SND1: variants seen among roughly 807,000 people sequenced by gnomAD.
SND1 encodes staphylococcal nuclease and tudor domain containing 1.
A neutral mutation model predicts 121.7 loss-of-function variants in SND1; 38 were observed. The ratio of observed to expected loss-of-function variants is 0.31; its 90% CI spans 0.24 to 0.41. The LOEUF is 0.41. Among genes scored for constraint, SND1 ranks in the 10% least tolerant of loss-of-function variants. The pLI is 1.00. For synonymous variants in SND1, 401 were observed against 447.4 expected (o/e 0.90, Z 1.31); for missense variants, 868 against 1,184.6 (o/e 0.73, Z 3.92).
chr7:127,769,232 A>G (rs537908372), intron 10 of SND1, among the ~76,000 whole-genome samples: 29 of 151,864 alleles, frequency 1.9e-4, no homozygotes, highest in African/African-American at 6.8e-4. Context: ...CGAAGCCCAA[A>G]AGTATTAGGT....
At chr7:127,906,459 G>A (rs1800342676) in intron 14 of SND1, among the ~76,000 whole-genome samples, 1 of 152,014 alleles carries the variant, frequency 6.6e-6, no homozygotes, top group African/African-American at 2.4e-5. Context: ...TTTGTCTTTT[G>A]GTAAAGCTGT....
intron 15 of SND1, among the ~76,000 whole-genome samples, chr7:127,978,399 G>A (rs976421495): frequency 4.6e-5 from 7 of 152,210 alleles, no homozygotes; most frequent in African/African-American, 1.7e-4. Context: ...AGATTGGTCA[G>A]GAAGTGGAGA....
chr7:127,706,852 C>G (rs1796210488), intron 8 of SND1, among the ~76,000 whole-genome samples: 2 of 152,290 alleles, frequency 1.3e-5, no homozygotes, highest in Admixed American at 1.3e-4. Context: ...TTTAGTGCTT[C>G]TCTAAAACAA....
chr7:128,074,556 C>G lies in SND1; in HGVS notation c.1834C>G (p.His612Asp). Residue 612 changes from histidine (H) to aspartate (D), a missense_variant, in exon 17 of 24, where the codon CAC (histidine) becomes GAC (aspartate). Around this residue, in one of 2 missense-constraint regions of SND1, gnomAD observed 743 missense variants for 1,071.3 expected, o/e 0.69. Transcript: ENST00000354725. ...DKAGNFIGWL[H>D]IDGANLSVLL... ...GGCCGGCAACTTTATCGGCTGGCTG[C>G]ACATCGACGGTGCCAACCTGTCCGT... is the stretch of plus-strand genomic sequence containing the variant. 6.2e-7 allele frequency: 1 copy of G among 1,613,506 alleles called. No individual in the cohort carries two copies. Among genetic ancestry groups the G allele is most frequent in the Non-Finnish European group, 8.5e-7 (1 of 1,179,874 alleles).
At chr7:128,024,624 C>A (rs1803432991) in intron 16 of SND1, among the ~76,000 whole-genome samples, 1 of 152,190 alleles carries the variant, frequency 6.6e-6, no homozygotes, top group Non-Finnish European at 1.5e-5. Context: ...TGTTCCACGG[C>A]ACTCAGCAAG....
At chr7:128,090,268 C>T (rs920825842) in intron 22 of SND1, among the ~76,000 whole-genome samples, 1 of 152,234 alleles carries the variant, frequency 6.6e-6, no homozygotes, top group African/African-American at 2.4e-5. Flanking sequence ...TGCCACTTCT[C>T]AGGGCTGATC....
intron 15 of SND1, among the ~76,000 whole-genome samples, chr7:127,981,491 C>T (rs1802260615): frequency 1.3e-5 from 2 of 152,104 alleles, no homozygotes; most frequent in Admixed American, 1.3e-4. Flanking sequence ...CTTGGGATGC[C>T]ACAGAAAGGG....
intron 10 of SND1, among the ~76,000 whole-genome samples, chr7:127,740,158 C>T (rs1796854124): frequency 6.6e-6 from 1 of 152,156 alleles, no homozygotes; most frequent in Non-Finnish European, 1.5e-5. Flanking sequence ...TTTTCTGTAA[C>T]CTCTCCTGCT....
At chr7:128,081,724 C>T (rs1793605728) in intron 18 of SND1, 4 of 629,888 alleles carry the variant, frequency 6.4e-6, no homozygotes, top group Admixed American at 4.5e-5. Context: ...GGCTTGGGCT[C>T]AGGCATGGAG....
At chr7:127,813,440 TTTGTTG>T (rs10560974) in intron 11 of SND1, among the ~76,000 whole-genome samples, 6 of 151,784 alleles carry the variant, frequency 4.0e-5, no homozygotes, top group South Asian at 2.1e-4. Flanking sequence ...TTTTTGGTTG[TTTGTTG>T]TTGTTGTTGT....
chr7:127,663,600 T>C (rs1448359173), intron 1 of SND1, among the ~76,000 whole-genome samples: 1 of 152,110 alleles, frequency 6.6e-6, no homozygotes, highest in Non-Finnish European at 1.5e-5. Flanking sequence ...ATGGTCTCCA[T>C]CTCCTTACCT....
At chr7:128,021,782 G>A (rs1385055568) in intron 16 of SND1, among the ~76,000 whole-genome samples, 1 of 152,188 alleles carries the variant, frequency 6.6e-6, no homozygotes, top group Non-Finnish European at 1.5e-5. Flanking sequence ...TCTTCAAAAT[G>A]GAGGGCCTCA....
At chr7:128,011,520 G>GT (rs1377079304) in intron 16 of SND1, among the ~76,000 whole-genome samples, 1 of 152,180 alleles carries the variant, frequency 6.6e-6, no homozygotes, top group African/African-American at 2.4e-5. Flanking sequence ...TGTGATCAGG[G>GT]GCTAAAGGAC....
At chr7:128,006,298 A>G (rs1310277290) in intron 16 of SND1, among the ~76,000 whole-genome samples, 1 of 151,966 alleles carries the variant, frequency 6.6e-6, no homozygotes, top group African/African-American at 2.4e-5. Context: ...TCACTTGGAA[A>G]AGGTAATGGT....
intron 16 of SND1, chr7:128,030,928 G>A (rs907705676): frequency 3.1e-6 from 1 of 324,102 alleles, no homozygotes; most frequent in Non-Finnish European, 5.7e-6. Context: ...AAGGAAGGCA[G>A]GAAAGCACTG....
chr7:127,922,192 T>TTTGTTTTTTG (rs1800727613), intron 14 of SND1, among the ~76,000 whole-genome samples: 1 of 109,154 alleles, frequency 9.2e-6, no homozygotes, highest in African/African-American at 3.3e-5. Context: ...TTTTTTTTTT[T>TTTGTTTTTTG]TTTTTTTTTT....
chr7:127,881,446 C>G (rs1799788448), intron 12 of SND1, among the ~76,000 whole-genome samples: 1 of 152,054 alleles, frequency 6.6e-6, no homozygotes, highest in Non-Finnish European at 1.5e-5. Context: ...ATTCATTTAA[C>G]CCAGGTTCTT....
At chr7:127,978,558 T>A (rs569885833) in intron 15 of SND1, among the ~76,000 whole-genome samples, 10 of 152,190 alleles carry the variant, frequency 6.6e-5, no homozygotes, top group Admixed American at 3.3e-4. Flanking sequence ...AAGTGGACAT[T>A]CATAGAACAG....
chr7:127,880,057 G>A (rs190311870), intron 12 of SND1, among the ~76,000 whole-genome samples: 5 of 152,204 alleles, frequency 3.3e-5, no homozygotes, highest in East Asian at 3.9e-4. Context: ...AATAAACAAC[G>A]CATAAATTTT....
Sources: gnomAD v4.1 joint callset for allele counts (sites outside exome capture counted in the v4.1 genomes callset) on GRCh38, gnomAD v4.1.1 for gene constraint, gnomAD v4.1.1 regional missense constraint, MANE v1.5 for transcripts, NCBI Gene and HGNC (gene_info 2026-07-23, HGNC 2026-07-21) for gene names.